SHISA9: variants seen among roughly 807,000 people sequenced by gnomAD.
SHISA9 encodes the protein protein shisa-9.
SHISA9 carries 13 observed loss-of-function variants against 38.0 expected under a neutral mutation model. That is an observed-to-expected ratio of 0.34 (90% confidence interval 0.22 to 0.54). The LOEUF is 0.54. Among genes scored for constraint, SHISA9 ranks in the 20% least tolerant of loss-of-function variants. SHISA9 has a pLI of 0.91. For missense variants in SHISA9, 538 were observed against 575.8 expected, an observed-to-expected ratio of 0.93 and a Z score of 0.67; for synonymous variants, 275 against 242.0, an observed-to-expected ratio of 1.14 and a Z score of -1.27.
chr16:12,982,095 A>G (rs908396447), intron 2 of SHISA9, among the ~76,000 whole-genome samples: 1 of 152,200 alleles, frequency 6.6e-6, no homozygotes, highest in Admixed American at 6.5e-5. Context: ...GCACTACTTT[A>G]CAAATGGAAA....
At chr16:12,962,217 G>A (rs1411538134) in intron 2 of SHISA9, among the ~76,000 whole-genome samples, 1 of 152,202 alleles carries the variant, frequency 6.6e-6, no homozygotes, top group Admixed American at 6.5e-5. Context: ...AGCCCTAGGA[G>A]GCAGGAAGGG....
chr16:13,551,870 C>T, the SHISA9 span, among the ~76,000 whole-genome samples: 66 of 152,128 alleles, frequency 4.3e-4, 1 homozygote, highest in African/African-American at 9.4e-4. Flanking sequence ...CTACTGAAAA[C>T]GCAAAAACTA....
At chr16:13,028,012 T>C (rs1400700195) in intron 2 of SHISA9, among the ~76,000 whole-genome samples, 2 of 151,098 alleles carry the variant, frequency 1.3e-5, no homozygotes, top group Non-Finnish European at 2.9e-5. Flanking sequence ...ATTCTATTTA[T>C]ATGAGATTCT....
chr16:13,321,647 T>C, the SHISA9 span, among the ~76,000 whole-genome samples: 2 of 152,238 alleles, frequency 1.3e-5, no homozygotes, highest in South Asian at 2.1e-4. Context: ...ATGTGTTGCA[T>C]ATTGTACATG....
intron 2 of SHISA9, among the ~76,000 whole-genome samples, chr16:13,195,659 C>T (rs2050931007): frequency 6.6e-6 from 1 of 152,092 alleles, no homozygotes; most frequent in African/African-American, 2.4e-5. Flanking sequence ...CTAAGCCAGG[C>T]AATAGTTTAA....
At chr16:13,114,179 G>T (rs72784470) in intron 2 of SHISA9, among the ~76,000 whole-genome samples, 1 of 151,886 alleles carries the variant, frequency 6.6e-6, no homozygotes, top group African/African-American at 2.4e-5. Context: ...AAAATAATAC[G>T]AAAAAGGCTG....
intron 2 of SHISA9, among the ~76,000 whole-genome samples, chr16:13,032,935 C>A (rs957559277): frequency 6.6e-6 from 1 of 152,182 alleles, no homozygotes; most frequent in Non-Finnish European, 1.5e-5. Flanking sequence ...AGAGCGAGAT[C>A]AAGGAACTCA....
At chr16:12,914,638 G>A (rs538403245) in intron 1 of SHISA9, among the ~76,000 whole-genome samples, 12 of 152,240 alleles carry the variant, frequency 7.9e-5, no homozygotes, top group Admixed American at 4.6e-4. Flanking sequence ...ACTAGTCCAC[G>A]TAAAGTCCCT....
the SHISA9 span, among the ~76,000 whole-genome samples, chr16:13,343,471 C>T: frequency 7.9e-5 from 12 of 152,056 alleles, no homozygotes; most frequent in Non-Finnish European, 1.0e-4. Context: ...TGGGAGTCAC[C>T]TGCTCCCACA....
chr16:13,167,626 T>C (rs1003351948), intron 2 of SHISA9, among the ~76,000 whole-genome samples: 3 of 152,148 alleles, frequency 2.0e-5, no homozygotes, highest in Non-Finnish European at 2.9e-5. Context: ...GTTCTCCTGA[T>C]AGTGTTCTCA....
chr16:13,047,468 A>G (rs1412129594), intron 2 of SHISA9, among the ~76,000 whole-genome samples: 1 of 152,202 alleles, frequency 6.6e-6, no homozygotes, highest in Non-Finnish European at 1.5e-5. Flanking sequence ...TTCTTAGGCA[A>G]TGGAAAGAAG....
At chr16:13,057,434 G>T (rs1033978097) in intron 2 of SHISA9, among the ~76,000 whole-genome samples, 1 of 152,228 alleles carries the variant, frequency 6.6e-6, no homozygotes, top group Admixed American at 6.5e-5. Flanking sequence ...TGCTCTTATA[G>T]TCCAGGCTGG....
At chr16:13,548,138 G>C in the SHISA9 span, among the ~76,000 whole-genome samples, 1 of 152,132 alleles carries the variant, frequency 6.6e-6, no homozygotes, top group Non-Finnish European at 1.5e-5. Context: ...TTCAACAAAT[G>C]ATGCTTGAAT....
At chr16:13,352,009 T>C in the SHISA9 span, among the ~76,000 whole-genome samples, 12 of 152,288 alleles carry the variant, frequency 7.9e-5, no homozygotes, top group East Asian at 2.3e-3. Context: ...TAGAATGGCT[T>C]TCCTGACATC....
At chr16:13,234,757 G>GC (rs1314427252) in intron 4 of SHISA9, among the ~76,000 whole-genome samples, 2 of 152,200 alleles carry the variant, frequency 1.3e-5, no homozygotes, top group Non-Finnish European at 2.9e-5. Flanking sequence ...AGGTGGGACT[G>GC]TGGGGGGAGA....
chr16:13,289,662 TAGAGAGAGAGAGAA>T, the SHISA9 span, among the ~76,000 whole-genome samples: 11 of 149,728 alleles, frequency 7.3e-5, no homozygotes, highest in East Asian at 3.9e-4. Context: ...GAGCAAGAGC[TAGAGAGAGAGAGAA>T]AGAGAGAGAG....
the SHISA9 span, among the ~76,000 whole-genome samples, chr16:13,327,874 G>C: frequency 6.6e-6 from 1 of 151,954 alleles, no homozygotes; most frequent in Non-Finnish European, 1.5e-5. Context: ...GGCCAGGCTG[G>C]CCTTGCACTC....
intron 2 of SHISA9, among the ~76,000 whole-genome samples, chr16:13,187,645 A>G (rs974321414): frequency 1.3e-5 from 2 of 151,906 alleles, no homozygotes; most frequent in Non-Finnish European, 2.9e-5. Context: ...CATCTGGGGA[A>G]CTTTTGAAGG....
At chr16:13,342,052 C>A in the SHISA9 span, among the ~76,000 whole-genome samples, 1 of 152,186 alleles carries the variant, frequency 6.6e-6, no homozygotes, top group Non-Finnish European at 1.5e-5. Flanking sequence ...TACCCACTTC[C>A]TCCCTACAGT....
Sources: gnomAD v4.1 joint callset for allele counts (sites outside exome capture counted in the v4.1 genomes callset) on GRCh38, gnomAD v4.1.1 for gene constraint, MANE v1.5 for transcripts, NCBI Gene and HGNC (gene_info 2026-07-23, HGNC 2026-07-21) for gene names.